Variants in RABGEF1 observed in about 807,000 individuals in gnomAD.
RABGEF1 encodes RAB guanine nucleotide exchange factor 1.
In RABGEF1, 26 loss-of-function variants were observed where a neutral mutation model predicts 57.3. That is an observed-to-expected ratio of 0.45 (90% confidence interval 0.33 to 0.63). The LOEUF (loss-of-function observed/expected upper bound fraction) is 0.63, where lower values mean the gene tolerates loss of function less well. Among genes scored for constraint, RABGEF1 ranks in the 20% least tolerant of loss-of-function variants. The pLI is 0.02. For synonymous variants in RABGEF1, 185 were observed against 210.7 expected, an observed-to-expected ratio of 0.88 and a Z score of 1.06; for missense variants, 464 against 607.6, an observed-to-expected ratio of 0.76 and a Z score of 2.48.
chr7:66,756,894 A>T (rs1418405268), intron 1 of RABGEF1, among the ~76,000 whole-genome samples: 1 of 152,184 alleles, frequency 6.6e-6, no homozygotes, highest in East Asian at 1.9e-4. Flanking sequence ...ATTACCTTAT[A>T]TATTACATTA....
chr7:66,718,190 C>CA (rs1184108352), intron 2 of RABGEF1, among the ~76,000 whole-genome samples: 3 of 151,914 alleles, frequency 2.0e-5, no homozygotes, highest in African/African-American at 7.3e-5. Context: ...ACAAAAAATA[C>CA]AAAAAAATAT....
upstream of RABGEF1, among the ~76,000 whole-genome samples, chr7:66,677,846 G>GT (rs1229572646): frequency 1.3e-5 from 2 of 150,778 alleles, no homozygotes; most frequent in African/African-American, 2.4e-5. Flanking sequence ...CTGGTGGATT[G>GT]TTTGAGTCCA....
At chr7:66,709,471 A>C (rs1034023294) in intron 1 of RABGEF1, among the ~76,000 whole-genome samples, 2 of 152,152 alleles carry the variant, frequency 1.3e-5, no homozygotes, top group Non-Finnish European at 2.9e-5. Flanking sequence ...TACATATTAC[A>C]GTATTACAGT....
rs946476390 is a variant in RABGEF1, at chr7:66,801,848, A to G, written c.820+2434A>G. 2.6e-5 allele frequency among the ~76,000 whole-genome samples: 4 copies of G among 152,200 alleles called. No individual in the cohort carries two copies. The East Asian group carries it at 7.7e-4, about 29-fold the overall frequency. The stretch of plus-strand genomic sequence containing the variant: ...GCTATGGGGGCAGTGGTTCTTAGCC[A>G]GGCACCAGTGGTCCCCCGGAGACAT... On this transcript the variant is annotated intron_variant, in intron 7 of 8. Transcript: ENST00000284957.
chr7:66,699,858 TAAAATA>T (rs1439658351), intron 1 of RABGEF1, among the ~76,000 whole-genome samples: 2 of 151,844 alleles, frequency 1.3e-5, no homozygotes, highest in Admixed American at 6.6e-5. Context: ...GTCTCAAAAA[TAAAATA>T]AAAATAAAAT....
At position 66,712,871 on chromosome 7, in the gene RABGEF1, A is replaced by G. The variant is rs924912441; in HGVS notation, c.-815+647A>G. 4.8e-5 allele frequency among the ~76,000 whole-genome samples: 7 copies of G among 145,046 alleles called. No individual in the cohort carries two copies. The Admixed American group carries it at 4.8e-4, about 10-fold the overall frequency. On this transcript the variant is annotated intron_variant and NMD_transcript_variant, in intron 2 of 9. Transcript: ENST00000607882. Reference sequence around the variant, plus strand: ...GCTTAGTCACCCAGGCTGGAGTGCCATAGTGCAAACACAGCTCACTGCAGC... The same window carrying G: ...GCTTAGTCACCCAGGCTGGAGTGCCGTAGTGCAAACACAGCTCACTGCAGC...
At chr7:66,737,051 G>A (rs574477117), upstream of RABGEF1, among the ~76,000 whole-genome samples, 35 of 124,998 alleles carry the variant, frequency 2.8e-4, no homozygotes, top group African/African-American at 9.5e-4. Context: ...ATATGAGGGG[G>A]GAGAGAGAGA....
rs10583686 is a variant in RABGEF1, at chr7:66,683,727, CTTATTTATTTATTTAT to C, written c.-873+1483_-873+1498del. On this transcript the variant is annotated intron_variant and NMD_transcript_variant, in intron 1 of 9. Coordinates refer to the RABGEF1 transcript ENST00000607882. ...GGAGGCCAGTAACTACAAGGAGGTG[CTTATTTATTTATTTAT>C]TTATTTATTTATTGAGAGAGAGGGT... 2.0e-5 allele frequency among the ~76,000 whole-genome samples: 3 copies of C among 149,328 alleles called. No homozygotes were observed. In the Admixed American group the frequency reaches 2.0e-4, roughly 10 times the overall value.
chr7:66,722,204 GGCT>G (rs1055811826), intron 2 of RABGEF1, among the ~76,000 whole-genome samples: 1 of 152,104 alleles, frequency 6.6e-6, no homozygotes, highest in Admixed American at 6.6e-5. Context: ...CACTCTGGGG[GGCT>G]GTGGTGGGTG....
chr7:66,716,035 A>G (rs1388632765), intron 2 of RABGEF1, among the ~76,000 whole-genome samples: 4 of 152,160 alleles, frequency 2.6e-5, no homozygotes, highest in Non-Finnish European at 5.9e-5. Flanking sequence ...TCCATTCTTG[A>G]AGAGTCCAAC....
intron 1 of RABGEF1, among the ~76,000 whole-genome samples, chr7:66,690,283 T>G (rs1489820958): frequency 6.6e-6 from 1 of 151,234 alleles, no homozygotes; most frequent in Non-Finnish European, 1.5e-5. Flanking sequence ...GTATTTTTAG[T>G]AGAGATGGGG....
intron 1 of RABGEF1, chr7:66,756,124 A>C: frequency 1.7e-6 from 2 of 1,197,014 alleles, no homozygotes; most frequent in Non-Finnish European, 2.3e-6. Flanking sequence ...AATCAAAAGA[A>C]AATAGTAATG....
intron 1 of RABGEF1, among the ~76,000 whole-genome samples, chr7:66,759,934 A>G (rs1803839424): frequency 6.6e-6 from 1 of 152,252 alleles, no homozygotes; most frequent in African/African-American, 2.4e-5. Context: ...GAAGGAAATC[A>G]GGTGTTTACC....
At chr7:66,787,786 A>G (rs1811565726) in intron 4 of RABGEF1, among the ~76,000 whole-genome samples, 1 of 152,160 alleles carries the variant, frequency 6.6e-6, no homozygotes, top group African/African-American at 2.4e-5. Flanking sequence ...GGTGAGGGCA[A>G]TTTTAAGGCA....
At chr7:66,694,296 G>T (rs1343658922) in intron 1 of RABGEF1, among the ~76,000 whole-genome samples, 1 of 152,228 alleles carries the variant, frequency 6.6e-6, no homozygotes, top group Non-Finnish European at 1.5e-5. Flanking sequence ...CACCAAGGAG[G>T]AGTCTTTTGA....
intron 2 of RABGEF1, among the ~76,000 whole-genome samples, chr7:66,774,502 C>T (rs1230573647): frequency 1.3e-5 from 2 of 152,222 alleles, no homozygotes; most frequent in Non-Finnish European, 2.9e-5. Context: ...TCATCACACG[C>T]CCAGTGCTCT....
At chr7:66,755,401 G>C (rs1391315858) in intron 1 of RABGEF1, among the ~76,000 whole-genome samples, 1 of 152,116 alleles carries the variant, frequency 6.6e-6, no homozygotes, top group Non-Finnish European at 1.5e-5. Flanking sequence ...ACTTGAGCCT[G>C]GGCAGTCATG....
intron 2 of RABGEF1, among the ~76,000 whole-genome samples, chr7:66,734,883 G>A (rs1797769249): frequency 6.6e-6 from 1 of 152,098 alleles, no homozygotes; most frequent in Non-Finnish European, 1.5e-5. Flanking sequence ...TGCTCCTGGG[G>A]ACCCCCTCGC....
upstream of RABGEF1, chr7:66,740,277 T>C (rs557277604): frequency 2.0e-5 from 3 of 152,458 alleles, no homozygotes; most frequent in Admixed American, 2.0e-4. Flanking sequence ...TTAAGACCTT[T>C]TAACTCGAAC....
Sources: gnomAD v4.1 joint callset for allele counts (sites outside exome capture counted in the v4.1 genomes callset) on GRCh38, gnomAD v4.1.1 for gene constraint, MANE v1.5 for transcripts, NCBI Gene and HGNC (gene_info 2026-07-23, HGNC 2026-07-21) for gene names.